The following PCDHGB3 variants were observed in gnomAD, a reference collection of about 807,000 sequenced individuals.
PCDHGB3 encodes protocadherin gamma-B3.
Under a neutral mutation model 59.2 loss-of-function variants are expected in PCDHGB3, and 40 were observed. The observed-to-expected ratio is 0.68, with a 90% CI of 0.52 to 0.88. The LOEUF (loss-of-function observed/expected upper bound fraction) is 0.88. PCDHGB3 is among the 40% of genes least tolerant of loss of function. PCDHGB3 has a pLI of 0.00. For missense variants in PCDHGB3, 1,309 were observed against 1,187.9 expected (o/e 1.10, Z -1.50); for synonymous variants, 581 against 503.6 (o/e 1.15, Z -2.06).
chr5:141,467,129 T>G (rs2099137740), intron 1 of PCDHGB3, among the ~76,000 whole-genome samples: 1 of 151,826 alleles, frequency 6.6e-6, no homozygotes, highest in Non-Finnish European at 1.5e-5. Context: ...CTCAGCTCAC[T>G]GCAACCTCTG....
In PCDHGB3 at chr5:141,388,019, C is replaced by T. The variant is rs1218468252; in HGVS notation, c.2415+15210C>T. On this transcript the variant is annotated intron_variant, in intron 1 of 3. Transcript: ENST00000576222. ...TTCCCGAGGAAATGCCCAAGGGCTC[C>T]GTAGTGGGGAACCTCGCCACGGACC... 4.1e-6 allele frequency: 6 copies of T among 1,458,652 alleles called. 1 individual carries two copies. The highest frequency in any genetic ancestry group is 2.4e-4 in the Middle Eastern group (1 of 4,164). 90.4% of individuals were successfully genotyped at this position (1,458,652 alleles called of 1,614,324 possible). A position where few individuals can be genotyped will look rare whatever the true frequency, so the allele number is the denominator to read the frequency against.
intron 1 of PCDHGB3, chr5:141,376,645 T>C: frequency 9.9e-7 from 1 of 1,010,330 alleles, no homozygotes; most frequent in South Asian, 1.7e-5. Flanking sequence ...TTTTGTAAAG[T>C]GGAAGACTCC....
At chr5:141,488,738 ATGCAGGAAGT>A (rs771423337) in intron 1 of PCDHGB3, among the ~76,000 whole-genome samples, 1 of 152,222 alleles carries the variant, frequency 6.6e-6, no homozygotes, top group Non-Finnish European at 1.5e-5. Flanking sequence ...TTCTGAAGTC[ATGCAGGAAGT>A]TGCTGGGACA....
At chr5:141,389,927 C>A (rs2091975121) in intron 1 of PCDHGB3, 2 of 1,613,944 alleles carry the variant, frequency 1.2e-6, no homozygotes, top group African/African-American at 2.7e-5. Flanking sequence ...ACCCCTCTGA[C>A]CTCCAGGCTG....
rs771450412 is a variant in PCDHGB3, at chr5:141,374,978, G to C, written c.2415+2169G>C. The C allele has an allele frequency of 2.2e-5, 35 of 1,613,984 alleles. No homozygotes were observed. The highest frequency in any genetic ancestry group is 2.9e-5 in the Non-Finnish European group (34 of 1,179,904). On this transcript the variant is annotated intron_variant, in intron 1 of 3. Coordinates refer to ENST00000576222, the MANE Select transcript of PCDHGB3 (RefSeq NM_018924.5). The stretch of plus-strand genomic sequence containing the variant: ...AATTTTCTGTTTGAATGTTTTGACT[G>C]GAGAAATTTCAACTTCTGCAAATCT...
At chr5:141,392,899 G>A in intron 1 of PCDHGB3, 1 of 1,613,820 alleles carries the variant, frequency 6.2e-7, no homozygotes, top group Admixed American at 1.7e-5. Flanking sequence ...ATCGGGAGGG[G>A]ACAGATTCGC....
At position 141,431,435 on chromosome 5, in the gene PCDHGB3, G is replaced by A. The variant is rs376827063; in HGVS notation, c.2415+58626G>A. ...GGGCGACCCGGTGCGCACAGGCACC[G>A]CGCGCATCCGCGTGATGGTTCTGGA... On this transcript the variant is annotated intron_variant, in intron 1 of 3. Coordinates refer to ENST00000576222, the MANE Select transcript of PCDHGB3 (RefSeq NM_018924.5). The surrounding 1 kb of genome is among the most constrained non-coding windows in gnomAD (Gnocchi z 4.8). 2.5e-6 allele frequency: 4 copies of A among 1,613,550 alleles called. No homozygotes were observed. Among genetic ancestry groups the A allele is most frequent in the Non-Finnish European group, 3.4e-6 (4 of 1,180,034 alleles).
chr5:141,385,529 T>G (rs568078652), intron 1 of PCDHGB3: 1 of 1,354,768 alleles, frequency 7.4e-7, no homozygotes, highest in South Asian at 2.0e-5. Context: ...TGGACAAGAT[T>G]ATGAATATGT....
chr5:141,428,015 A>G, intron 1 of PCDHGB3: 5 of 1,604,042 alleles, frequency 3.1e-6, no homozygotes, highest in Non-Finnish European at 3.4e-6. Flanking sequence ...ATATAGTGCC[A>G]CGCGCCGCAG....
chr5:141,431,561 G>C lies in PCDHGB3; in HGVS notation c.2415+58752G>C. On this transcript the variant is annotated intron_variant, in intron 1 of 3. Transcript: ENST00000576222. The surrounding 1 kb of genome is among the most constrained non-coding windows in gnomAD (Gnocchi z 4.8). ...GCAGCTGCTTGTAGTCAACGCTACC[G>C]ACCCTGACGAAGGAGTCAATGCGGA... 6.2e-7 allele frequency: 1 copy of C among 1,614,146 alleles called. No homozygotes were observed. The highest frequency in any genetic ancestry group is 1.1e-5 in the South Asian group (1 of 91,080).
At chr5:141,403,046 C>T in intron 1 of PCDHGB3, 1 of 1,614,056 alleles carries the variant, frequency 6.2e-7, no homozygotes, top group Non-Finnish European at 8.5e-7. Flanking sequence ...CAGTCAGATT[C>T]GCTACTCAGT....
intron 1 of PCDHGB3, among the ~76,000 whole-genome samples, chr5:141,458,829 C>T (rs2098954599): frequency 6.6e-6 from 1 of 152,108 alleles, no homozygotes; most frequent in Non-Finnish European, 1.5e-5. Context: ...GCCTCCCAGG[C>T]TCAAGTGATC....
In PCDHGB3 at chr5:141,372,341, A is replaced by G. The variant is rs1382612317; in HGVS notation, c.1947A>G (p.Gly649=). Residue 649 remains glycine, a synonymous_variant, in exon 1 of 4, where the codon GGA becomes GGG. Transcript: ENST00000576222. ...RQRLLVTVRD[G]GQQPLSATVM... is the part of the protein sequence containing the mutation. The stretch of plus-strand genomic sequence containing the variant: ...GCCTGCTGGTCACTGTGCGTGATGG[A>G]GGACAGCAGCCTCTTTCAGCCACCG... 6.2e-7 allele frequency: 1 copy of G among 1,613,800 alleles called. No individual in the cohort carries two copies. The highest frequency in any genetic ancestry group is 8.5e-7 in the Non-Finnish European group (1 of 1,179,902).
At chr5:141,480,653 T>C (rs1214823403) in intron 1 of PCDHGB3, among the ~76,000 whole-genome samples, 2 of 152,190 alleles carry the variant, frequency 1.3e-5, no homozygotes, top group Admixed American at 1.3e-4. Context: ...TGGTTGCACA[T>C]TAAAATCACC....
At chr5:141,418,895 GAA>G (rs746676640) in intron 1 of PCDHGB3, 1 of 1,613,998 alleles carries the variant, frequency 6.2e-7, no homozygotes, top group Admixed American at 1.7e-5. Flanking sequence ...CAACAGCCCA[GAA>G]ATAATCATCA....
At position 141,432,135 on chromosome 5, in the gene PCDHGB3, C is replaced by T; in HGVS notation, c.2415+59326C>T. On this transcript the variant is annotated intron_variant, in intron 1 of 3. Transcript: ENST00000576222. This position sits in a 1 kb window ranked among gnomAD's most constrained non-coding sequence, Gnocchi z 6.0. ...GTCTTCCCTCAGGCCTCCTATTCCGCTTATATCCCAGAGAACAATCCCAGA... is the reference window on the plus strand; with the variant it reads ...GTCTTCCCTCAGGCCTCCTATTCCGTTTATATCCCAGAGAACAATCCCAGA... The T allele has an allele frequency of 6.2e-7, 1 of 1,614,140 alleles. No homozygotes were observed. Among genetic ancestry groups the T allele is most frequent in the Non-Finnish European group, 8.5e-7 (1 of 1,180,026 alleles).
At position 141,372,614 on chromosome 5, in the gene PCDHGB3, C is replaced by T; in HGVS notation, c.2220C>T (p.Leu740=). ...GVCFKTVPGV[L]PTYSERTLPY... Reference sequence around the variant, plus strand: ...GCTTCAAGACTGTACCTGGAGTTCTCCCCACCTACAGCGAAAGGACTTTGC... The same window carrying T: ...GCTTCAAGACTGTACCTGGAGTTCTTCCCACCTACAGCGAAAGGACTTTGC... The change falls in exon 1 of 4, where the codon CTC becomes CTT. Residue 740 remains leucine, a synonymous_variant. Transcript: ENST00000576222. 2 of 1,613,984 alleles carry T rather than the reference C, an allele frequency of 1.2e-6. No individual in the cohort carries two copies. The highest frequency in any genetic ancestry group is 4.5e-5 in the East Asian group (2 of 44,882).
chr5:141,407,732 A>G (rs1294403186), intron 1 of PCDHGB3, among the ~76,000 whole-genome samples: 3 of 152,242 alleles, frequency 2.0e-5, no homozygotes, highest in Non-Finnish European at 4.4e-5. Flanking sequence ...AAGGTTCACT[A>G]TATATACTCC....
intron 1 of PCDHGB3, chr5:141,404,091 G>A (rs1404367820): frequency 6.2e-7 from 1 of 1,613,422 alleles, no homozygotes; most frequent in Non-Finnish European, 8.5e-7. Flanking sequence ...GGGAAGAATG[G>A]TCAAGTTGTC....
Sources: gnomAD v4.1 joint callset for allele counts (sites outside exome capture counted in the v4.1 genomes callset) on GRCh38, gnomAD v4.1.1 for gene constraint, Gnocchi (gnomAD v3.1) non-coding constraint, MANE v1.5 for transcripts, NCBI Gene and HGNC (gene_info 2026-07-23, HGNC 2026-07-21) for gene names.